Variants in DDR2 observed in about 807,000 individuals in gnomAD.
DDR2 encodes the protein discoidin domain-containing receptor 2.
In DDR2, 27 loss-of-function variants were observed where a neutral mutation model predicts 94.9. The observed-to-expected ratio is 0.28, with a 90% confidence interval of 0.21 to 0.39. The LOEUF (loss-of-function observed/expected upper bound fraction) is 0.39, where lower values mean the gene tolerates loss of function less well. Among genes scored for constraint, DDR2 ranks in the 10% least tolerant of loss-of-function variants. The pLI, the probability that DDR2 is intolerant of heterozygous loss-of-function variation, is 1.00. For missense variants in DDR2, 783 were observed against 1,076.0 expected, an observed-to-expected ratio of 0.73 and a Z score of 3.81; for synonymous variants, 382 against 377.2, an observed-to-expected ratio of 1.01 and a Z score of -0.15.
intron 2 of DDR2, among the ~76,000 whole-genome samples, chr1:162,666,616 A>T (rs529778063): frequency 6.6e-6 from 1 of 152,286 alleles, no homozygotes; most frequent in East Asian, 1.9e-4. Context: ...AATGTGTTCC[A>T]TAAGGAGCAT....
intron 2 of DDR2, among the ~76,000 whole-genome samples, chr1:162,699,608 G>T (rs969232707): frequency 6.6e-6 from 1 of 152,200 alleles, no homozygotes; most frequent in African/African-American, 2.4e-5. Context: ...GTTGGATACA[G>T]TTATGCCATT....
At chr1:162,696,238 C>T (rs1182964256) in intron 2 of DDR2, among the ~76,000 whole-genome samples, 1 of 138,440 alleles carries the variant, frequency 7.2e-6, no homozygotes, top group Non-Finnish European at 1.5e-5. Context: ...AAACAAATAA[C>T]ACTAAAAGTT....
chr1:162,648,989 C>T (rs1407198403), intron 1 of DDR2, among the ~76,000 whole-genome samples: 1 of 152,054 alleles, frequency 6.6e-6, no homozygotes, highest in Non-Finnish European at 1.5e-5. Context: ...TCCCATCTCT[C>T]ACCACTCCCC....
chr1:162,760,174 A>G (rs563329068), intron 8 of DDR2, among the ~76,000 whole-genome samples, 195 bp downstream of exon 8: 17 of 152,136 alleles, frequency 1.1e-4, no homozygotes, highest in Non-Finnish European at 2.1e-4. Flanking sequence ...AGGGAGTTAG[A>G]ATAGGTCAGT....
rs767190591 is a variant in DDR2, at chr1:162,770,366, T to C, written c.1358T>C (p.Met453Thr). ...VSLSLPSDSSMFNNNRSSSPS... is the reference protein window; with the variant it reads ...VSLSLPSDSSTFNNNRSSSPS... ...CTTTCCCTGCCAAGTGATTCTAGCA[T>C]GTTCAACAATAACCGCTCCTCATCA... Residue 453 changes from methionine to threonine, a missense_variant, in exon 12 of 18, where the codon ATG (methionine) becomes ACG (threonine). By Grantham distance (81) the Met-to-Thr change is moderately conservative. Coordinates refer to ENST00000367921, the MANE Select transcript of DDR2 (RefSeq NM_006182.4). 1.2e-6 allele frequency: 2 copies of C among 1,614,136 alleles called. No homozygotes were observed. The highest frequency in any genetic ancestry group is 2.2e-5 in the East Asian group (1 of 44,880).
chr1:162,687,679 G>A (rs1659749938), intron 2 of DDR2, among the ~76,000 whole-genome samples: 1 of 152,090 alleles, frequency 6.6e-6, no homozygotes, highest in Non-Finnish European at 1.5e-5. Flanking sequence ...ATTTCCGGTG[G>A]GGATGGAGGA....
At chr1:162,697,032 C>G (rs1660226049) in intron 2 of DDR2, among the ~76,000 whole-genome samples, 1 of 152,058 alleles carries the variant, frequency 6.6e-6, no homozygotes, top group South Asian at 2.1e-4. Flanking sequence ...TCCCCATTCT[C>G]ATTCTGCGTA....
At chr1:162,776,762 C>T (rs764943487) in intron 16 of DDR2, among the ~76,000 whole-genome samples, 6 of 152,074 alleles carry the variant, frequency 3.9e-5, no homozygotes, top group Non-Finnish European at 8.8e-5. Flanking sequence ...AGACTAATTC[C>T]TATAATTGTA....
rs180854216 is a variant in DDR2, at chr1:162,719,026, G to A, written c.-27-11G>A. The A allele has an allele frequency of 2.5e-6, 4 of 1,613,078 alleles. No homozygotes were observed. Among genetic ancestry groups the A allele is most frequent in the East Asian group, 2.2e-5 (1 of 44,856 alleles). ...CTCTTTCTGTTTTCTTGCATTATTG[G>A]TTGGTGGCAGACTCCAGTTCCAACA... is the stretch of plus-strand genomic sequence containing the variant. On this transcript the variant is annotated splice_polypyrimidine_tract_variant and intron_variant, in intron 2 of 17. Coordinates refer to ENST00000367921, the MANE Select transcript of DDR2 (RefSeq NM_006182.4).
intron 1 of DDR2, among the ~76,000 whole-genome samples, chr1:162,640,865 C>T (rs1255427144): frequency 6.6e-6 from 1 of 152,088 alleles, no homozygotes. Flanking sequence ...GTTTGTGATC[C>T]TTCCACCTCA....
rs565731804 is a variant in DDR2, at chr1:162,649,790, T to C, written c.-191-5421T>C. Among the ~76,000 whole-genome samples the C allele has an allele frequency of 3.9e-5, 6 of 152,376 alleles. No homozygotes were observed. In the South Asian group the frequency reaches 1.2e-3, roughly 32 times the overall value. On this transcript the variant is annotated intron_variant, in intron 1 of 17. Coordinates refer to ENST00000367921, the MANE Select transcript of DDR2 (RefSeq NM_006182.4). ...AGCTTCTCTGACTCCAACCACATCATGTGATATACAGCAACTAGTTCAGTT... is the reference window on the plus strand; with the variant it reads ...AGCTTCTCTGACTCCAACCACATCACGTGATATACAGCAACTAGTTCAGTT...
At chr1:162,775,235 T>C (rs1647462743) in intron 14 of DDR2, among the ~76,000 whole-genome samples, 1 of 140,326 alleles carries the variant, frequency 7.1e-6, no homozygotes, top group Non-Finnish European at 1.5e-5. Context: ...TCTTCACTAG[T>C]AATAGAGTGA....
chr1:162,631,295 T>C (rs1257653860), upstream of DDR2: 1 of 152,368 alleles, frequency 6.6e-6, no homozygotes, highest in Non-Finnish European at 1.5e-5. Context: ...CTCCATGATC[T>C]CTTTCCATCC....
intron 11 of DDR2, among the ~76,000 whole-genome samples, chr1:162,769,261 A>T (rs1664148786): frequency 6.6e-6 from 1 of 152,204 alleles, no homozygotes; most frequent in Non-Finnish European, 1.5e-5. Context: ...CATCCTGAGT[A>T]AGATGACTCA....
At chr1:162,739,138 C>T (rs1178109213) in intron 3 of DDR2, among the ~76,000 whole-genome samples, 1 of 132,842 alleles carries the variant, frequency 7.5e-6, no homozygotes, top group African/African-American at 2.8e-5. Context: ...AGCTTCTGCA[C>T]AGCAAAAGAA....
At chr1:162,687,028 C>T (rs1659720413) in intron 2 of DDR2, among the ~76,000 whole-genome samples, 1 of 152,182 alleles carries the variant, frequency 6.6e-6, no homozygotes, top group African/African-American at 2.4e-5. Context: ...GGTTGGGGCT[C>T]AGGAGGGCTC....
chr1:162,752,340 A>T (rs1381830224), intron 3 of DDR2, among the ~76,000 whole-genome samples: 1 of 152,204 alleles, frequency 6.6e-6, no homozygotes, highest in East Asian at 1.9e-4. Context: ...ATTGTGTTGT[A>T]TCCTGGACAC....
intron 1 of DDR2, among the ~76,000 whole-genome samples, chr1:162,646,667 C>A (rs1295358213): frequency 6.6e-6 from 1 of 152,226 alleles, no homozygotes; most frequent in Non-Finnish European, 1.5e-5. Context: ...GGAACCAGTG[C>A]TCTACAATTA....
At chr1:162,716,242 T>C (rs1661162617) in intron 2 of DDR2, among the ~76,000 whole-genome samples, 1 of 152,132 alleles carries the variant, frequency 6.6e-6, no homozygotes. Flanking sequence ...CAGTAACCCA[T>C]GAGAGAGGTG....
Sources: gnomAD v4.1 joint callset for allele counts (sites outside exome capture counted in the v4.1 genomes callset) on GRCh38, gnomAD v4.1.1 for gene constraint, MANE v1.5 for transcripts, NCBI Gene and HGNC (gene_info 2026-07-23, HGNC 2026-07-21) for gene names.